GABRG3: variants seen among roughly 807,000 people sequenced by gnomAD.
GABRG3 encodes gamma-aminobutyric acid type A receptor subunit gamma3.
In GABRG3, 25 loss-of-function variants were observed where a neutral mutation model predicts 48.8. The ratio of observed to expected loss-of-function variants is 0.51; its 90% CI spans 0.37 to 0.72. The LOEUF (loss-of-function observed/expected upper bound fraction) is 0.72, where lower values mean the gene tolerates loss of function less well. GABRG3 is among the 30% of genes least tolerant of loss of function. The probability of loss-of-function intolerance (pLI) is 0.00; values close to 1 mark genes in which losing one functional copy is unlikely to be tolerated. For missense variants in GABRG3, 394 were observed against 577.9 expected, an observed-to-expected ratio of 0.68 and a Z score of 3.26; for synonymous variants, 227 against 217.6, an observed-to-expected ratio of 1.04 and a Z score of -0.38.
At chr15:27,055,581 A>C (rs1896531940) in intron 3 of GABRG3, among the ~76,000 whole-genome samples, 1 of 152,232 alleles carries the variant, frequency 6.6e-6, no homozygotes, top group Non-Finnish European at 1.5e-5. Flanking sequence ...CGGTGTTTTC[A>C]GCGTTCCCAT....
rs118109036 is a variant in GABRG3 at position 27,071,239 on chromosome 15, T to A, written c.270+44418T>A. On this transcript the variant is annotated intron_variant, in intron 3 of 9. Coordinates refer to ENST00000615808, the MANE Select transcript of GABRG3 (RefSeq NM_033223.5). Reference sequence around the variant, plus strand: ...CCAAAGCTGCTAGGAGCCAGTGGTGTTTGGTGGCATTGTGTTGCATGTAGA... The same window carrying A: ...CCAAAGCTGCTAGGAGCCAGTGGTGATTGGTGGCATTGTGTTGCATGTAGA... Among the ~76,000 whole-genome samples, 4 of 152,264 alleles carry A rather than the reference T, an allele frequency of 2.6e-5. No individual in the cohort carries two copies. The East Asian group carries it at 5.8e-4, about 22-fold the overall frequency.
chr15:27,386,480 A>G (rs999895508), intron 5 of GABRG3, among the ~76,000 whole-genome samples: 4 of 150,714 alleles, frequency 2.7e-5, no homozygotes, highest in African/African-American at 9.8e-5. Context: ...TAGCCTCCCA[A>G]GATTGTTTGT....
intron 3 of GABRG3, among the ~76,000 whole-genome samples, chr15:27,308,503 A>G (rs1429420974): frequency 1.3e-5 from 2 of 148,304 alleles, no homozygotes; most frequent in African/African-American, 2.4e-5. Flanking sequence ...CATGTTTTAT[A>G]TAAACATAAT....
chr15:27,120,111 C>T (rs1458619562), intron 3 of GABRG3, among the ~76,000 whole-genome samples: 6 of 152,182 alleles, frequency 3.9e-5, no homozygotes, highest in African/African-American at 1.4e-4. Context: ...TCACTGCTAA[C>T]AGGAAATGTC....
At chr15:27,010,994 C>T (rs892393199) in intron 2 of GABRG3, among the ~76,000 whole-genome samples, 1 of 152,180 alleles carries the variant, frequency 6.6e-6, no homozygotes, top group South Asian at 2.1e-4. Context: ...TACAGGCCCA[C>T]ACCACCATGC....
Position 27,205,861 on chromosome 15 carries a change from G to A in GABRG3, c.271-120948G>A, listed in dbSNP as rs138730718. On this transcript the variant is annotated intron_variant, in intron 3 of 9. Coordinates refer to ENST00000615808, the MANE Select transcript of GABRG3 (RefSeq NM_033223.5). ...GATTTTCTAGTTTGTGTACATAGAG[G>A]TGTTCATAACAGACTCTTAGGGTTT... Among the ~76,000 whole-genome samples the A allele has an allele frequency of 9.2e-3, 1,393 of 152,068 alleles. 6 individuals carry two copies. The highest frequency in any genetic ancestry group is 0.024 in the Middle Eastern group (7 of 294).
At chr15:27,072,219 A>G (rs899292768) in intron 3 of GABRG3, among the ~76,000 whole-genome samples, 7 of 152,122 alleles carry the variant, frequency 4.6e-5, no homozygotes, top group African/African-American at 7.2e-5. Context: ...AAGGAAATAC[A>G]TTATTTATTT....
intron 6 of GABRG3, among the ~76,000 whole-genome samples, chr15:27,516,504 G>A (rs1182519058): frequency 2.0e-5 from 3 of 152,196 alleles, no homozygotes; most frequent in Non-Finnish European, 4.4e-5. Flanking sequence ...GAGCTGCCAT[G>A]TTCTTACCTG....
chr15:27,061,225 C>T lies in GABRG3; in HGVS notation c.270+34404C>T, dbSNP rs192928687. 1.6e-3 allele frequency among the ~76,000 whole-genome samples: 250 copies of T among 152,252 alleles called. 3 individuals are homozygous for T. The highest frequency in any genetic ancestry group is 2.2e-4 in the Non-Finnish European group (15 of 68,030). On this transcript the variant is annotated intron_variant, in intron 3 of 9. Coordinates refer to ENST00000615808, the MANE Select transcript of GABRG3 (RefSeq NM_033223.5). ...TATTGTGTACTTTTACGACCATGGC[C>T]GTGTTCATCAGGCGTCTGCTCTTAC...
At chr15:27,134,966 G>A (rs1222942570) in intron 3 of GABRG3, among the ~76,000 whole-genome samples, 1 of 152,290 alleles carries the variant, frequency 6.6e-6, no homozygotes, top group Non-Finnish European at 1.5e-5. Flanking sequence ...GTGCATTAAG[G>A]TGTTGCCCAC....
At chr15:27,359,703 A>G (rs1375025893) in intron 5 of GABRG3, among the ~76,000 whole-genome samples, 1 of 152,220 alleles carries the variant, frequency 6.6e-6, no homozygotes, top group African/African-American at 2.4e-5. Flanking sequence ...AAACGTTTCC[A>G]TAAGTCGCCG....
chr15:27,083,379 C>T (rs987996356), intron 3 of GABRG3, among the ~76,000 whole-genome samples: 6 of 143,002 alleles, frequency 4.2e-5, no homozygotes, highest in African/African-American at 1.3e-4. Flanking sequence ...GTCACCAAGG[C>T]TGGCGTGTAG....
At chr15:27,000,257 T>A (rs1294511018) in intron 2 of GABRG3, among the ~76,000 whole-genome samples, 1 of 152,238 alleles carries the variant, frequency 6.6e-6, no homozygotes, top group Non-Finnish European at 1.5e-5. Context: ...TTCATATTCC[T>A]ATAGATATTC....
At chr15:27,530,051 C>T (rs1891384191) in intron 9 of GABRG3, among the ~76,000 whole-genome samples, 1 of 152,142 alleles carries the variant, frequency 6.6e-6, no homozygotes, top group African/African-American at 2.4e-5. Context: ...GGAAGTCTGT[C>T]CTCCGGTCTG....
At position 27,308,165 on chromosome 15, in the gene GABRG3, T is replaced by TAC. The variant is rs1892764875; in HGVS notation, c.271-18643_271-18642insCA. Among the ~76,000 whole-genome samples, 6 of 6,108 alleles carry TAC rather than the reference T, an allele frequency of 9.8e-4. 2 individuals carry two copies. The highest frequency in any genetic ancestry group is 7.4e-3 in the Admixed American group (3 of 404). The allele number at this position is 6,108 out of a possible 152,430, so 4.0% of individuals were successfully genotyped here. A position where few individuals can be genotyped will look rare whatever the true frequency, so the allele number is the denominator to read the frequency against. On this transcript the variant is annotated intron_variant, in intron 3 of 9. Transcript: ENST00000615808. The stretch of plus-strand genomic sequence containing the variant: ...TTATACATCCAAACATATATAAACA[T>TAC]ATATGTTTATATATCCAAACATATA...
At chr15:27,275,526 G>A (rs1891223889) in intron 3 of GABRG3, among the ~76,000 whole-genome samples, 1 of 152,144 alleles carries the variant, frequency 6.6e-6, no homozygotes, top group South Asian at 2.1e-4. Flanking sequence ...GCAGTGTCCA[G>A]GAAAGTTCAT....
chr15:27,041,260 G>A (rs574372404), intron 3 of GABRG3, among the ~76,000 whole-genome samples: 2 of 152,226 alleles, frequency 1.3e-5, no homozygotes, highest in African/African-American at 2.4e-5. Flanking sequence ...TTGGCTCATT[G>A]CAACCTCCTC....
intron 3 of GABRG3, among the ~76,000 whole-genome samples, chr15:27,323,196 C>G (rs1372072112): frequency 6.6e-6 from 1 of 152,140 alleles, no homozygotes; most frequent in African/African-American, 2.4e-5. Context: ...GTGGAGGGTC[C>G]TGTAATTCAA....
chr15:27,307,363 C>CCATATAGGTTTATATATTTATATATAAA lies in GABRG3; in HGVS notation c.271-19419_271-19418insACATATAGGTTTATATATTTATATATAA, dbSNP rs1566770981. ...TAGGTTTATATATGTTTATATATAA[C>CCATATAGGTTTATATATTTATATATAAA]CATATAGGTTTATATATTTATATAT... On this transcript the variant is annotated intron_variant, in intron 3 of 9. Coordinates refer to ENST00000615808, the MANE Select transcript of GABRG3 (RefSeq NM_033223.5). 1.5e-4 allele frequency among the ~76,000 whole-genome samples: 4 copies of CCATATAGGTTTATATATTTATATATAAA among 25,842 alleles called. 2 individuals carry two copies. The highest frequency in any genetic ancestry group is 3.9e-4 in the Non-Finnish European group (4 of 10,350). 17.0% of individuals were successfully genotyped at this position (25,842 alleles called of 152,430 possible).
Sources: allele counts gnomAD v4.1 joint callset (sites outside exome capture counted in the v4.1 genomes callset), GRCh38; gene constraint gnomAD v4.1.1; transcripts MANE v1.5; gene names NCBI Gene and HGNC (gene_info 2026-07-23, HGNC 2026-07-21).